Variants in WASF3 observed in about 807,000 individuals in gnomAD.
WASF3 encodes WASP family member 3, also known as actin-binding protein WASF3.
In WASF3, 11 loss-of-function variants were observed where a neutral mutation model predicts 46.6. The ratio of observed to expected loss-of-function variants is 0.24; its 90% CI spans 0.15 to 0.39. The LOEUF (loss-of-function observed/expected upper bound fraction) is 0.39. Among genes scored for constraint, WASF3 ranks in the 10% least tolerant of loss-of-function variants. The pLI is 1.00. For missense variants in WASF3, 576 were observed against 669.8 expected, an observed-to-expected ratio of 0.86 and a Z score of 1.55; for synonymous variants, 242 against 259.7, an observed-to-expected ratio of 0.93 and a Z score of 0.65.
chr13:26,611,801 A>G lies in WASF3; in HGVS notation c.-108-1160A>G, dbSNP rs8000907. Among the ~76,000 whole-genome samples the G allele has an allele frequency of 1.1e-3, 167 of 151,910 alleles. 1 individual carries two copies. Among genetic ancestry groups the G allele is most frequent in the Middle Eastern group, 3.4e-3 (1 of 294 alleles). On this transcript the variant is annotated intron_variant, in intron 1 of 9. Coordinates refer to ENST00000335327, the MANE Select transcript of WASF3 (RefSeq NM_006646.6). ...TTTAGTTTTAAATAAGTAAAATAGG[A>G]TGTATAAAATGGAGTATCGCTGAAT...
Position 26,657,993 on chromosome 13 carries a change from G to A in WASF3, c.134-7035G>A, listed in dbSNP as rs138821352. Among the ~76,000 whole-genome samples the A allele has an allele frequency of 2.7e-3, 416 of 152,270 alleles. 2 individuals carry two copies. The highest frequency in any genetic ancestry group is 9.6e-3 in the African/African-American group (398 of 41,562). On this transcript the variant is annotated intron_variant, in intron 3 of 9. Transcript: ENST00000335327. ...TATCAGTTGCATGTTTTTCAAATAG[G>A]GTTAGGCATCGGACCTAGAAGCAAA...
At chr13:26,579,458 A>G (rs1438908148) in intron 1 of WASF3, among the ~76,000 whole-genome samples, 1 of 152,192 alleles carries the variant, frequency 6.6e-6, no homozygotes, top group South Asian at 2.1e-4. Flanking sequence ...TTCTAGACAC[A>G]TGTTAAGCTG....
the WASF3 span, among the ~76,000 whole-genome samples, chr13:26,541,445 C>T: frequency 1.3e-5 from 2 of 152,172 alleles, no homozygotes; most frequent in African/African-American, 2.4e-5. Flanking sequence ...TGGATAATCT[C>T]ATAGGAATAT....
intron 1 of WASF3, among the ~76,000 whole-genome samples, chr13:26,562,623 T>A (rs574604177): frequency 2.0e-5 from 3 of 151,962 alleles, no homozygotes; most frequent in Non-Finnish European, 4.4e-5. Context: ...AGAGTTTCCA[T>A]TGGAGTTAGC....
intron 1 of WASF3, among the ~76,000 whole-genome samples, chr13:26,584,909 T>C (rs1880085369): frequency 6.6e-6 from 1 of 152,192 alleles, no homozygotes; most frequent in Admixed American, 6.5e-5. Flanking sequence ...CTGTTGTTAC[T>C]CTGCTGATAG....
chr13:26,606,085 A>G (rs1045648211), intron 1 of WASF3, among the ~76,000 whole-genome samples: 7 of 152,158 alleles, frequency 4.6e-5, no homozygotes, highest in African/African-American at 1.7e-4. Flanking sequence ...CAGTAACAGT[A>G]CTTGGTGCTC....
upstream of WASF3, among the ~76,000 whole-genome samples, chr13:26,553,260 T>C (rs1469968933): frequency 1.3e-5 from 2 of 152,160 alleles, no homozygotes; most frequent in African/African-American, 4.8e-5. Context: ...TGCTGCTAGA[T>C]TTTATTTTAC....
chr13:26,649,606 G>A (rs1009011952), intron 3 of WASF3, among the ~76,000 whole-genome samples: 6 of 152,186 alleles, frequency 3.9e-5, no homozygotes, highest in African/African-American at 1.4e-4. Context: ...GCAGAAACTT[G>A]GTGAGTTGCT....
intron 1 of WASF3, among the ~76,000 whole-genome samples, chr13:26,594,530 C>T (rs933955436): frequency 2.0e-5 from 3 of 152,192 alleles, no homozygotes; most frequent in Admixed American, 2.0e-4. Flanking sequence ...GTGGCCTAAG[C>T]TTACTACCGT....
intron 6 of WASF3, among the ~76,000 whole-genome samples, chr13:26,675,504 A>T (rs1883040245): frequency 1.3e-5 from 2 of 151,714 alleles, no homozygotes; most frequent in South Asian, 4.2e-4. Context: ...ACACACACAC[A>T]CACACACACA....
chr13:26,671,878 C>T lies in WASF3; in HGVS notation c.429C>T (p.Asp143=), dbSNP rs1472258707. ...PLNILTPYRD[D]KKDGLKFYTD... ...ACAATACATTGATTTGTAGAGATGA[C>T]AAGAAGGATGGGCTGAAGTTCTATA... Residue 143 remains aspartate, a synonymous_variant, in exon 6 of 10, where the codon GAC becomes GAT. Coordinates refer to ENST00000335327, the MANE Select transcript of WASF3 (RefSeq NM_006646.6). 2 of 1,588,460 alleles carry T rather than the reference C, an allele frequency of 1.3e-6. No individual in the cohort carries two copies. The highest frequency in any genetic ancestry group is 1.7e-6 in the Non-Finnish European group (2 of 1,171,452).
intron 1 of WASF3, among the ~76,000 whole-genome samples, chr13:26,607,952 G>T (rs1452487752): frequency 6.6e-6 from 1 of 152,148 alleles, no homozygotes; most frequent in Non-Finnish European, 1.5e-5. Context: ...AGTTTAAGTG[G>T]TAGTTACCAC....
rs542432899 is a variant in WASF3 at position 26,570,008 on chromosome 13, G to A, written c.-109+12189G>A. Among the ~76,000 whole-genome samples, 46 of 152,200 alleles carry A rather than the reference G, an allele frequency of 3.0e-4. No homozygotes were observed. In the South Asian group the frequency reaches 7.9e-3, roughly 26 times the overall value. On this transcript the variant is annotated intron_variant, in intron 1 of 9. Coordinates refer to ENST00000335327, the MANE Select transcript of WASF3 (RefSeq NM_006646.6). ...CATTTAAATTATACCTTGATCAGCC[G>A]GGCGCGGTGGCTCATGCCTTTAATC...
At chr13:26,666,866 C>CAAAAAAAAAAAA (rs1168774717) in intron 4 of WASF3, among the ~76,000 whole-genome samples, 1 of 62,808 alleles carries the variant, frequency 1.6e-5, no homozygotes, top group African/African-American at 5.1e-5. Flanking sequence ...AAGACTGTCT[C>CAAAAAAAAAAAA]AAAAAAAAAA....
At chr13:26,671,141 A>G (rs953927328) in intron 5 of WASF3, among the ~76,000 whole-genome samples, 39 of 152,232 alleles carry the variant, frequency 2.6e-4, no homozygotes, top group Non-Finnish European at 4.9e-4. Flanking sequence ...GGTTTTGATC[A>G]TGACTTGATT....
At chr13:26,651,540 A>T (rs1882316016) in intron 3 of WASF3, among the ~76,000 whole-genome samples, 1 of 152,200 alleles carries the variant, frequency 6.6e-6, no homozygotes, top group African/African-American at 2.4e-5. Flanking sequence ...AGTCAGTGAA[A>T]ATATCTTTTA....
At chr13:26,570,042 T>C (rs933052415) in intron 1 of WASF3, among the ~76,000 whole-genome samples, 2 of 152,182 alleles carry the variant, frequency 1.3e-5, no homozygotes, top group African/African-American at 4.8e-5. Context: ...TCCCAGCACT[T>C]TGGGAGGCCA....
At chr13:26,633,601 C>T (rs1028360926) in intron 2 of WASF3, among the ~76,000 whole-genome samples, 1 of 152,188 alleles carries the variant, frequency 6.6e-6, no homozygotes, top group African/African-American at 2.4e-5. Flanking sequence ...GATTTTAGAT[C>T]TTTCCTGCTT....
the WASF3 span, among the ~76,000 whole-genome samples, chr13:26,548,660 G>A: frequency 2.0e-5 from 3 of 152,086 alleles, no homozygotes; most frequent in Non-Finnish European, 4.4e-5. Flanking sequence ...ATGCAATCAC[G>A]CCAGAATTTC....
Sources: gnomAD v4.1 joint callset for allele counts (sites outside exome capture counted in the v4.1 genomes callset) on GRCh38, gnomAD v4.1.1 for gene constraint, MANE v1.5 for transcripts, NCBI Gene and HGNC (gene_info 2026-07-23, HGNC 2026-07-21) for gene names.